Variants in GMDS observed in about 807,000 individuals in gnomAD.
GMDS encodes GDP-mannose 4,6 dehydratase.
A neutral mutation model predicts 49.9 loss-of-function variants in GMDS; 20 were observed. The ratio of observed to expected loss-of-function variants is 0.40; its 90% CI spans 0.28 to 0.58. GMDS has a LOEUF of 0.58. Ranked by LOEUF, GMDS falls within the 20% of genes least tolerant of loss-of-function variation. The pLI, the probability that GMDS is intolerant of heterozygous loss-of-function variation, is 0.42. For synonymous variants in GMDS, 177 were observed against 178.6 expected, an observed-to-expected ratio of 0.99 and a Z score of 0.07; for missense variants, 362 against 481.4, an observed-to-expected ratio of 0.75 and a Z score of 2.32.
chr6:2,009,738 T>C (rs1418860640), intron 4 of GMDS, among the ~76,000 whole-genome samples: 2 of 152,188 alleles, frequency 1.3e-5, no homozygotes, highest in Non-Finnish European at 2.9e-5. Flanking sequence ...TGATTATTAT[T>C]ACAGAATGTG....
chr6:2,056,816 A>C (rs1770807964), intron 4 of GMDS, among the ~76,000 whole-genome samples: 1 of 152,172 alleles, frequency 6.6e-6, no homozygotes, highest in African/African-American at 2.4e-5. Context: ...TACTACCATT[A>C]ATCTGCAACC....
intron 7 of GMDS, among the ~76,000 whole-genome samples, chr6:1,893,201 T>TTC (rs1378512647): frequency 1.3e-5 from 2 of 148,910 alleles, no homozygotes; most frequent in Non-Finnish European, 3.0e-5. Context: ...TTCTTTTTTT[T>TTC]TTTTTTTTTT....
intron 7 of GMDS, among the ~76,000 whole-genome samples, chr6:1,760,301 C>A (rs79551549): frequency 1.3e-5 from 2 of 152,200 alleles, no homozygotes; most frequent in African/African-American, 2.4e-5. Flanking sequence ...TTCTGGACCA[C>A]GAGTATATGG....
chr6:1,874,060 A>C (rs1484440316), intron 7 of GMDS, among the ~76,000 whole-genome samples: 1 of 152,214 alleles, frequency 6.6e-6, no homozygotes, highest in Non-Finnish European at 1.5e-5. Context: ...CGAACAGGGC[A>C]CCGGCCTCCA....
chr6:1,709,823 T>A (rs1488920270), intron 9 of GMDS, among the ~76,000 whole-genome samples: 1 of 152,210 alleles, frequency 6.6e-6, no homozygotes, highest in Non-Finnish European at 1.5e-5. Flanking sequence ...AGCTTGAAGT[T>A]TGGGGAGAAA....
chr6:2,190,538 C>T (rs1778966479), intron 1 of GMDS, among the ~76,000 whole-genome samples: 1 of 152,222 alleles, frequency 6.6e-6, no homozygotes, highest in South Asian at 2.1e-4. Flanking sequence ...TTCCTGAGGT[C>T]AGTGTCCTCT....
chr6:1,947,686 G>A (rs1415318507), intron 6 of GMDS, among the ~76,000 whole-genome samples: 1 of 152,128 alleles, frequency 6.6e-6, no homozygotes, highest in East Asian at 1.9e-4. Flanking sequence ...CTTAATCTGG[G>A]AATTTTTTAC....
intron 7 of GMDS, among the ~76,000 whole-genome samples, chr6:1,815,757 CAAG>C (rs374398291): frequency 9.2e-5 from 14 of 152,136 alleles, no homozygotes; most frequent in Non-Finnish European, 1.5e-4. Context: ...AAAAGGAACA[CAAG>C]AAGAAGGCCA....
At chr6:1,767,230 A>C (rs1288987429) in intron 7 of GMDS, among the ~76,000 whole-genome samples, 1 of 151,136 alleles carries the variant, frequency 6.6e-6, no homozygotes, top group African/African-American at 2.4e-5. Context: ...AACGCATAAA[A>C]GAAAATATCC....
chr6:1,653,198 C>T (rs1390609197), intron 9 of GMDS, among the ~76,000 whole-genome samples: 1 of 152,114 alleles, frequency 6.6e-6, no homozygotes, highest in Non-Finnish European at 1.5e-5. Context: ...CTGGACTGTA[C>T]ACTGCCGTAG....
At chr6:2,110,816 T>C (rs1208256194) in intron 4 of GMDS, among the ~76,000 whole-genome samples, 1 of 152,112 alleles carries the variant, frequency 6.6e-6, no homozygotes, top group African/African-American at 2.4e-5. Flanking sequence ...GTAGAAAGTA[T>C]GGGTTATTCA....
At chr6:1,978,308 C>T (rs933237989) in intron 4 of GMDS, among the ~76,000 whole-genome samples, 1 of 152,148 alleles carries the variant, frequency 6.6e-6, no homozygotes, top group Non-Finnish European at 1.5e-5. Flanking sequence ...CAGCCATGCC[C>T]AAGCGCATGT....
chr6:1,742,805 G>T (rs1313272061), intron 7 of GMDS, among the ~76,000 whole-genome samples: 1 of 152,170 alleles, frequency 6.6e-6, no homozygotes, highest in Non-Finnish European at 1.5e-5. Context: ...AGCCGTAGAG[G>T]GGTGGGCTCA....
intron 7 of GMDS, among the ~76,000 whole-genome samples, chr6:1,838,613 G>C (rs1485211584): frequency 2.0e-5 from 3 of 152,188 alleles, no homozygotes; most frequent in Non-Finnish European, 4.4e-5. Flanking sequence ...TATTAAATGG[G>C]ATGATTTCTT....
chr6:2,186,131 A>G (rs1245235301), intron 1 of GMDS, among the ~76,000 whole-genome samples: 2 of 152,224 alleles, frequency 1.3e-5, no homozygotes, highest in African/African-American at 4.8e-5. Flanking sequence ...GGCACTAGGA[A>G]CCAATGAAAT....
chr6:1,957,488 A>T (rs996805050), intron 6 of GMDS, among the ~76,000 whole-genome samples: 1 of 152,242 alleles, frequency 6.6e-6, no homozygotes, highest in Admixed American at 6.5e-5. Context: ...TTTCACGTAC[A>T]TCTCTTTTTC....
intron 4 of GMDS, among the ~76,000 whole-genome samples, chr6:1,969,888 T>C (rs976632496): frequency 6.6e-6 from 1 of 152,186 alleles, no homozygotes; most frequent in African/African-American, 2.4e-5. Flanking sequence ...GCTCTGTTTG[T>C]TTTTTCTCAT....
At chr6:2,159,422 T>C (rs1777271687) in intron 1 of GMDS, among the ~76,000 whole-genome samples, 1 of 152,124 alleles carries the variant, frequency 6.6e-6, no homozygotes, top group East Asian at 1.9e-4. Context: ...GTATATTTTA[T>C]GAGAGTAAAT....
intron 1 of GMDS, among the ~76,000 whole-genome samples, chr6:2,208,706 C>T (rs1275577386): frequency 3.9e-5 from 6 of 152,126 alleles, no homozygotes; most frequent in African/African-American, 9.7e-5. Context: ...AAAGTAAAAG[C>T]ACTTTAGAAA....
Sources: gnomAD v4.1 joint callset for allele counts (sites outside exome capture counted in the v4.1 genomes callset) on GRCh38, gnomAD v4.1.1 for gene constraint, MANE v1.5 for transcripts, NCBI Gene and HGNC (gene_info 2026-07-23, HGNC 2026-07-21) for gene names.